Variants in ALK observed in about 807,000 individuals in gnomAD.
ALK encodes the protein ALK tyrosine kinase receptor.
ALK carries 74 observed loss-of-function variants against 163.1 expected under a neutral mutation model. That is an observed-to-expected ratio of 0.45 (90% confidence interval 0.38 to 0.55). The LOEUF is 0.55. Ranked by LOEUF, ALK falls within the 20% of genes least tolerant of loss-of-function variation. The pLI, the probability that ALK is intolerant of heterozygous loss-of-function variation, is 0.00. For synonymous variants in ALK, 960 were observed against 843.2 expected (o/e 1.14, Z -2.40); for missense variants, 2,063 against 2,105.3 (o/e 0.98, Z 0.39).
In ALK at chr2:29,532,019, C is replaced by T. The variant is rs749145522; in HGVS notation, c.1050G>A (p.Ser350=). The change falls in exon 4 of 29, where the codon TCG becomes TCA. Residue 350 remains serine (S), a synonymous_variant. Transcript: ENST00000389048. ...CAGAGGGCTGCAGGTGCCTGTGCAC[C>T]GAGACGGCCAGTGTGCAGTGCTCAC... ...SSSEHCTLAV[S]VHRHLQPSGR... is the part of the protein sequence containing the mutation. 16 of 1,613,986 alleles carry T rather than the reference C, an allele frequency of 9.9e-6. No individual in the cohort carries two copies. Among genetic ancestry groups the T allele is most frequent in the African/African-American group, 6.7e-5 (5 of 74,900 alleles).
Position 29,192,976 on chromosome 2 carries a change from A to G in ALK, c.*248T>C, listed in dbSNP as rs1258479055. The G allele has an allele frequency of 9.5e-6, 5 of 526,492 alleles. No individual in the cohort carries two copies. The highest frequency in any genetic ancestry group is 1.7e-5 in the Non-Finnish European group (5 of 292,072). The allele number at this position is 526,492 out of a possible 1,614,324, so 32.6% of individuals were successfully genotyped here. A position where few individuals can be genotyped will look rare whatever the true frequency, so the allele number is the denominator to read the frequency against. Reference sequence around the variant, plus strand: ...CAAACATGCATAAAAACCTTATGCAACCACATCTGGGCCTTGTATTTATCA... The same window carrying G: ...CAAACATGCATAAAAACCTTATGCAGCCACATCTGGGCCTTGTATTTATCA... On this transcript the variant is annotated 3_prime_UTR_variant, in exon 29 of 29. Coordinates refer to ENST00000389048, the MANE Select transcript of ALK (RefSeq NM_004304.5).
chr2:29,894,309 G>T (rs980127285), intron 1 of ALK, among the ~76,000 whole-genome samples: 1 of 152,116 alleles, frequency 6.6e-6, no homozygotes, highest in Non-Finnish European at 1.5e-5. Context: ...GCTAAGGGCA[G>T]GTGTTTGGGG....
intron 3 of ALK, among the ~76,000 whole-genome samples, chr2:29,620,501 T>TG (rs1287064607): frequency 3.7e-3 from 69 of 18,738 alleles, no homozygotes; most frequent in African/African-American, 0.01. Context: ...TTTTGCGGGG[T>TG]GGGGGGGTGG....
intron 1 of ALK, among the ~76,000 whole-genome samples, chr2:29,730,978 G>C (rs1004074172): frequency 6.6e-6 from 1 of 152,188 alleles, no homozygotes; most frequent in African/African-American, 2.4e-5. Flanking sequence ...CAATAGAGAC[G>C]TTGGCCTCAG....
intron 1 of ALK, among the ~76,000 whole-genome samples, chr2:29,724,462 G>A (rs1009794968): frequency 2.0e-5 from 3 of 152,284 alleles, no homozygotes; most frequent in East Asian, 3.9e-4. Context: ...CAGCCCAGGG[G>A]AAATGGTTTG....
intron 1 of ALK, among the ~76,000 whole-genome samples, chr2:29,803,879 T>C (rs970753278): frequency 1.3e-5 from 2 of 152,204 alleles, no homozygotes; most frequent in African/African-American, 4.8e-5. Context: ...TCTGCCTCAA[T>C]GTCCCTTACA....
chr2:29,881,677 A>G (rs931115215), intron 1 of ALK, among the ~76,000 whole-genome samples: 2 of 152,194 alleles, frequency 1.3e-5, no homozygotes, highest in African/African-American at 4.8e-5. Flanking sequence ...ATGGGGCAAA[A>G]GTTCTACCCA....
intron 4 of ALK, among the ~76,000 whole-genome samples, chr2:29,450,155 C>G (rs936484410): frequency 1.3e-5 from 2 of 152,188 alleles, no homozygotes; most frequent in Non-Finnish European, 2.9e-5. Context: ...CTTCACCTAC[C>G]TTTACCTACC....
At chr2:29,762,916 A>G (rs539094096) in intron 1 of ALK, among the ~76,000 whole-genome samples, 7 of 152,126 alleles carry the variant, frequency 4.6e-5, no homozygotes, top group Non-Finnish European at 8.8e-5. Context: ...GTGAAACCCC[A>G]TCTCTACTAA....
intron 1 of ALK, among the ~76,000 whole-genome samples, chr2:29,865,282 C>A (rs997444005): frequency 6.6e-6 from 1 of 152,192 alleles, no homozygotes; most frequent in African/African-American, 2.4e-5. Context: ...TTCCTACTAG[C>A]TCCAGCTAAG....
At chr2:29,516,230 G>A (rs1207921234) in intron 4 of ALK, among the ~76,000 whole-genome samples, 1 of 152,200 alleles carries the variant, frequency 6.6e-6, no homozygotes, top group Non-Finnish European at 1.5e-5. Flanking sequence ...CCTCTGCTAA[G>A]TGCACTGTTG....
chr2:29,396,828 T>C (rs1384107457), intron 4 of ALK, among the ~76,000 whole-genome samples: 1 of 141,966 alleles, frequency 7.0e-6, no homozygotes, highest in Non-Finnish European at 1.5e-5. Flanking sequence ...AGGCCCTTTG[T>C]TACTATGGTT....
At position 29,193,558 on chromosome 2, in the gene ALK, C is replaced by T. The variant is rs928177802; in HGVS notation, c.4529G>A (p.Trp1510Ter). Residue 1510 changes from tryptophan (W) to a stop codon, truncating the protein, a stop_gained, in exon 29 of 29, where the codon TGG becomes TAG. Transcript: ENST00000389048. LOFTEE classifies it low-confidence loss of function (END_TRUNC). ...TSLWNPTYGS[W>*]FTEKPTKKNN... Reference sequence around the variant, plus strand: ...CTTTTTGGTGGGTTTCTCTGTAAACCAGGAGCCGTACGTTGGGTTCCACAA... The same window carrying T: ...CTTTTTGGTGGGTTTCTCTGTAAACTAGGAGCCGTACGTTGGGTTCCACAA... The T allele has an allele frequency of 6.2e-7, 1 of 1,614,178 alleles. No homozygotes were observed. The highest frequency in any genetic ancestry group is 8.5e-7 in the Non-Finnish European group (1 of 1,180,046).
chr2:29,736,702 GA>G (rs1201906576), intron 1 of ALK, among the ~76,000 whole-genome samples: 1 of 151,988 alleles, frequency 6.6e-6, no homozygotes, highest in Non-Finnish European at 1.5e-5. Flanking sequence ...TTTATAGAAT[GA>G]GTGATTTTAT....
rs531112566 is a variant in ALK, at chr2:29,585,009, C to T, written c.953-52893G>A. Among the ~76,000 whole-genome samples the T allele has an allele frequency of 7.9e-5, 12 of 152,264 alleles. No individual in the cohort carries two copies. In the East Asian group the frequency reaches 1.2e-3, roughly 15 times the overall value. On this transcript the variant is annotated intron_variant, in intron 3 of 28. Transcript: ENST00000389048. ...GCTGCTTAGGAGGCCCACAGCCAAA[C>T]GTGTGGCTTCCTCTCTCAGGTAAAT...
At chr2:29,633,763 C>T (rs764034032) in intron 3 of ALK, among the ~76,000 whole-genome samples, 3 of 151,960 alleles carry the variant, frequency 2.0e-5, no homozygotes, top group Non-Finnish European at 2.9e-5. Context: ...CCATCAAAAG[C>T]GTAATAAGGG....
intron 1 of ALK, among the ~76,000 whole-genome samples, chr2:29,829,531 GT>G (rs1343181463): frequency 3.3e-5 from 5 of 152,128 alleles, no homozygotes; most frequent in Admixed American, 2.0e-4. Context: ...TACCAAGCAA[GT>G]TTGTGTATAC....
chr2:29,895,065 G>C (rs574424236), intron 1 of ALK, among the ~76,000 whole-genome samples: 14 of 146,604 alleles, frequency 9.5e-5, no homozygotes, highest in Non-Finnish European at 1.5e-4. Context: ...TAATATCAAG[G>C]TGTCATCATT....
chr2:29,890,178 C>A (rs1667108334), intron 1 of ALK, among the ~76,000 whole-genome samples: 1 of 152,130 alleles, frequency 6.6e-6, no homozygotes, highest in South Asian at 2.1e-4. Flanking sequence ...TGTCAGTGTG[C>A]CTTTTCCCAC....
Sources: gnomAD v4.1 joint callset for allele counts (sites outside exome capture counted in the v4.1 genomes callset) on GRCh38, gnomAD v4.1.1 for gene constraint, MANE v1.5 for transcripts, NCBI Gene and HGNC (gene_info 2026-07-23, HGNC 2026-07-21) for gene names.